CDK14: variants seen among roughly 807,000 people sequenced by gnomAD.
CDK14 encodes the protein cyclin dependent kinase 14.
In CDK14, 34 loss-of-function variants were observed where a neutral mutation model predicts 60.7. That is an observed-to-expected ratio of 0.56 (90% confidence interval 0.43 to 0.75). The LOEUF is 0.75. Ranked by LOEUF, CDK14 falls within the 30% of genes least tolerant of loss-of-function variation. CDK14 has a pLI of 0.00. For missense variants in CDK14, 482 were observed against 564.1 expected (o/e 0.85, Z 1.47); for synonymous variants, 197 against 203.7 (o/e 0.97, Z 0.28).
chr7:90,688,923 A>G (rs1801498627), intron 2 of CDK14, among the ~76,000 whole-genome samples: 1 of 151,982 alleles, frequency 6.6e-6, no homozygotes, highest in African/African-American at 2.4e-5. Context: ...TCTCCCACCC[A>G]GCAAAATAAC....
chr7:90,985,638 C>T (rs1795352760), intron 10 of CDK14, among the ~76,000 whole-genome samples: 1 of 152,106 alleles, frequency 6.6e-6, no homozygotes, highest in Admixed American at 6.5e-5. Flanking sequence ...GAGGCCCCAT[C>T]ACTATTGTAT....
At chr7:90,975,227 T>G (rs556651467) in intron 9 of CDK14, among the ~76,000 whole-genome samples, 1 of 152,178 alleles carries the variant, frequency 6.6e-6, no homozygotes, top group South Asian at 2.1e-4. Flanking sequence ...TATTACACAC[T>G]CCACCCTACC....
intron 4 of CDK14, among the ~76,000 whole-genome samples, chr7:90,771,594 A>G (rs1804785977): frequency 1.3e-5 from 2 of 152,236 alleles, no homozygotes; most frequent in Admixed American, 6.5e-5. Flanking sequence ...AGAATGGTCA[A>G]ATATGTGCTG....
chr7:90,874,615 G>A (rs1399055612), intron 6 of CDK14, among the ~76,000 whole-genome samples: 1 of 137,872 alleles, frequency 7.3e-6, no homozygotes, highest in East Asian at 2.4e-4. Flanking sequence ...TGCAAGCTCC[G>A]CTTCCCGGGT....
At chr7:91,102,950 T>C (rs1245436132) in intron 12 of CDK14, among the ~76,000 whole-genome samples, 2 of 152,144 alleles carry the variant, frequency 1.3e-5, no homozygotes, top group Non-Finnish European at 2.9e-5. Context: ...GTCTCCACAT[T>C]GTATTAGAAA....
intron 12 of CDK14, among the ~76,000 whole-genome samples, chr7:91,103,687 T>A (rs1276237264): frequency 6.6e-6 from 1 of 152,194 alleles, no homozygotes; most frequent in Non-Finnish European, 1.5e-5. Context: ...TATTCCATCT[T>A]CCTCATTTCT....
intron 10 of CDK14, among the ~76,000 whole-genome samples, chr7:90,996,594 A>G (rs1795688812): frequency 6.6e-6 from 1 of 152,204 alleles, no homozygotes; most frequent in African/African-American, 2.4e-5. Context: ...TTGGAGCTGA[A>G]TTTGTCCTCT....
chr7:90,962,287 G>C (rs1794624287), intron 9 of CDK14, among the ~76,000 whole-genome samples: 1 of 152,132 alleles, frequency 6.6e-6, no homozygotes, highest in Non-Finnish European at 1.5e-5. Context: ...AGGAGTTCAA[G>C]ACCAGTCCCA....
intron 2 of CDK14, among the ~76,000 whole-genome samples, chr7:90,694,180 G>A (rs1801611553): frequency 6.6e-6 from 1 of 152,124 alleles, no homozygotes; most frequent in African/African-American, 2.4e-5. Context: ...ATATGATTTT[G>A]TGAAGCAGTC....
chr7:90,761,302 A>G (rs1804302261), intron 4 of CDK14, among the ~76,000 whole-genome samples: 1 of 150,280 alleles, frequency 6.7e-6, no homozygotes, highest in South Asian at 2.1e-4. Flanking sequence ...AGCTATGCCC[A>G]TCTGGTGGAA....
chr7:90,856,493 T>A (rs1790821968), intron 5 of CDK14, among the ~76,000 whole-genome samples: 1 of 152,174 alleles, frequency 6.6e-6, no homozygotes, highest in Admixed American at 6.5e-5. Context: ...TCTTCCAGTG[T>A]TTAGGCCAAG....
intron 2 of CDK14, among the ~76,000 whole-genome samples, chr7:90,654,966 G>C (rs968359946): frequency 6.6e-6 from 1 of 152,102 alleles, no homozygotes; most frequent in Non-Finnish European, 1.5e-5. Flanking sequence ...AAAATTCCCT[G>C]TGCTTCACCT....
intron 8 of CDK14, among the ~76,000 whole-genome samples, chr7:90,935,616 G>A (rs926128286): frequency 9.2e-5 from 14 of 151,926 alleles, no homozygotes; most frequent in African/African-American, 3.4e-4. Context: ...TTTACATAAT[G>A]GGCAATTATA....
intron 5 of CDK14, among the ~76,000 whole-genome samples, chr7:90,812,340 C>G (rs1789158279): frequency 6.6e-6 from 1 of 152,094 alleles, no homozygotes; most frequent in African/African-American, 2.4e-5. Context: ...AGCTGGAAAC[C>G]ATCATTCTCA....
At chr7:91,036,936 C>T (rs1562877878) in intron 10 of CDK14, among the ~76,000 whole-genome samples, 1 of 152,186 alleles carries the variant, frequency 6.6e-6, no homozygotes, top group Non-Finnish European at 1.5e-5. Context: ...TTCCTGCTCC[C>T]ACCCACACTG....
Position 90,598,704 on chromosome 7 carries a change from A to ATTTTTTTTTTTTTTTTTTTT in CDK14, c.91+2004_91+2005insTTTTTTTTTTTTTTTTTTTT, listed in dbSNP as rs796093975. On this transcript the variant is annotated intron_variant, in intron 1 of 14. Transcript: ENST00000380050. ...GTGAACTCATTCTGATTATCTAAGG[A>ATTTTTTTTTTTTTTTTTTTT]TTTTTTTTTTTTTTTTTTGAGACGG... Among the ~76,000 whole-genome samples the ATTTTTTTTTTTTTTTTTTTT allele has an allele frequency of 3.8e-4, 33 of 87,890 alleles. 2 individuals carry two copies. Among genetic ancestry groups the ATTTTTTTTTTTTTTTTTTTT allele is most frequent in the Middle Eastern group, 7.9e-3 (1 of 126 alleles). 57.7% of individuals were successfully genotyped at this position (87,890 alleles called of 152,430 possible).
intron 12 of CDK14, among the ~76,000 whole-genome samples, chr7:91,097,369 G>A (rs1327798446): frequency 2.0e-5 from 3 of 151,426 alleles, no homozygotes; most frequent in South Asian, 2.1e-4. Flanking sequence ...TGACAAGGGC[G>A]AAACTCTGTC....
Position 90,639,144 on chromosome 7 carries a change from C to G in CDK14, c.123+34895C>G, listed in dbSNP as rs1240066767. Among the ~76,000 whole-genome samples, 5 of 152,218 alleles carry G rather than the reference C, an allele frequency of 3.3e-5. No homozygotes were observed. The East Asian group carries it at 9.6e-4, about 29-fold the overall frequency. ...CTTCTCTCAACTCGTCAAAGTCATT[C>G]TCCTTCCAGCTTTGATCTGTTGCTG... On this transcript the variant is annotated intron_variant, in intron 2 of 14. Coordinates refer to ENST00000380050, the MANE Select transcript of CDK14 (RefSeq NM_001287135.2).
intron 5 of CDK14, among the ~76,000 whole-genome samples, chr7:90,809,390 G>A (rs568797131): frequency 8.0e-4 from 122 of 152,214 alleles, no homozygotes; most frequent in African/African-American, 2.7e-3. Context: ...ATAACAAAAT[G>A]AAGGCAGAAA....
Sources: allele counts gnomAD v4.1 joint callset (sites outside exome capture counted in the v4.1 genomes callset), GRCh38; gene constraint gnomAD v4.1.1; transcripts MANE v1.5; gene names NCBI Gene and HGNC (gene_info 2026-07-23, HGNC 2026-07-21).